The following CCSER1 variants were observed in gnomAD, a reference collection of about 807,000 sequenced individuals.
The protein encoded by CCSER1 is serine-rich coiled-coil domain-containing protein 1.
CCSER1 carries 41 observed loss-of-function variants against 82.0 expected under a neutral mutation model. That is an observed-to-expected ratio of 0.50 (90% CI 0.39 to 0.65). The LOEUF is 0.65. CCSER1 is among the 30% of genes least tolerant of loss of function. The pLI, the probability that CCSER1 is intolerant of heterozygous loss-of-function variation, is 0.00. For synonymous variants in CCSER1, 414 were observed against 383.9 expected (o/e 1.08, Z -0.92); for missense variants, 1,119 against 1,064.2 (o/e 1.05, Z -0.72).
At chr4:91,342,099 A>G (rs1411211719) in intron 10 of CCSER1, among the ~76,000 whole-genome samples, 1 of 152,174 alleles carries the variant, frequency 6.6e-6, no homozygotes, top group African/African-American at 2.4e-5. Flanking sequence ...CTAAAAATCT[A>G]AAAAAATAGG....
chr4:91,489,192 T>A (rs1462211886), intron 10 of CCSER1, among the ~76,000 whole-genome samples: 1 of 152,090 alleles, frequency 6.6e-6, no homozygotes, highest in East Asian at 1.9e-4. Flanking sequence ...GGAACATGAC[T>A]AGAATTAAGT....
At chr4:91,167,056 T>C (rs553452975) in intron 10 of CCSER1, among the ~76,000 whole-genome samples, 1 of 152,144 alleles carries the variant, frequency 6.6e-6, no homozygotes, top group Non-Finnish European at 1.5e-5. Flanking sequence ...AAGACAAATA[T>C]CTATGAAATA....
intron 10 of CCSER1, among the ~76,000 whole-genome samples, chr4:91,098,286 T>C (rs1724708357): frequency 6.6e-6 from 1 of 152,216 alleles, no homozygotes; most frequent in African/African-American, 2.4e-5. Flanking sequence ...CTACTTGAAA[T>C]TGAAAATCAT....
intron 5 of CCSER1, among the ~76,000 whole-genome samples, chr4:90,500,101 C>T (rs551421656): frequency 6.6e-6 from 1 of 151,790 alleles, no homozygotes; most frequent in Non-Finnish European, 1.5e-5. Context: ...CAATAAAGAC[C>T]CTGGCGTTTG....
Position 91,059,708 on chromosome 4 carries a change from C to T in CCSER1, c.2173-26242C>T, listed in dbSNP as rs143872193. Among the ~76,000 whole-genome samples the T allele has an allele frequency of 9.5e-3, 1,437 of 151,986 alleles. 6 individuals carry two copies. The highest frequency in any genetic ancestry group is 0.015 in the Non-Finnish European group (1,002 of 67,884). ...TCAGTCATATTTCCATTTTTTGTGA[C>T]CATGTGACCACTTCCTAGTTTTTAG... On this transcript the variant is annotated intron_variant, in intron 9 of 10. Transcript: ENST00000509176.
chr4:90,180,373 G>T (rs1443026975), intron 1 of CCSER1, among the ~76,000 whole-genome samples: 1 of 152,004 alleles, frequency 6.6e-6, no homozygotes, highest in Non-Finnish European at 1.5e-5. Context: ...TGGAGTGCTA[G>T]AGGTCAGGAG....
chr4:91,599,174 T>C lies in CCSER1; in HGVS notation c.*117T>C, dbSNP rs1354137232. 2.6e-5 allele frequency: 33 copies of C among 1,288,070 alleles called. No individual in the cohort carries two copies. Among genetic ancestry groups the C allele is most frequent in the East Asian group, 2.6e-5 (1 of 38,856 alleles). The allele number at this position is 1,288,070 out of a possible 1,614,324, so 79.8% of individuals were successfully genotyped here. ...TACATTTTAGTTATAAACAGAGTTGTGTTGTTGGGTTTTTTTTCTTAGTCA... is the reference window on the plus strand; with the variant it reads ...TACATTTTAGTTATAAACAGAGTTGCGTTGTTGGGTTTTTTTTCTTAGTCA... On this transcript the variant is annotated 3_prime_UTR_variant, in exon 11 of 11. Coordinates refer to ENST00000509176, the MANE Select transcript of CCSER1 (RefSeq NM_001145065.2).
intron 10 of CCSER1, among the ~76,000 whole-genome samples, chr4:91,171,014 A>T (rs906779816): frequency 6.6e-6 from 1 of 152,202 alleles, no homozygotes; most frequent in Admixed American, 6.5e-5. Context: ...GAGTACTGCT[A>T]TATAAACATG....
rs536527739 is a variant in CCSER1, at chr4:91,419,473, C to T, written c.2218-179099C>T. On this transcript the variant is annotated intron_variant, in intron 10 of 10. Transcript: ENST00000509176. ...ACAATTTCAGTTACAGTAGCATCGA[C>T]GATAACAAAATATTAGGAATAATTT... Among the ~76,000 whole-genome samples the T allele has an allele frequency of 9.3e-4, 141 of 151,892 alleles. 1 individual carries two copies. The highest frequency in any genetic ancestry group is 3.1e-3 in the African/African-American group (128 of 41,442).
intron 10 of CCSER1, among the ~76,000 whole-genome samples, chr4:91,529,960 C>T (rs1474333957): frequency 6.6e-6 from 1 of 152,058 alleles, no homozygotes; most frequent in Non-Finnish European, 1.5e-5. Flanking sequence ...AGGAGTATTT[C>T]TTCTCATTAT....
At chr4:90,249,647 T>C (rs1411551280) in intron 1 of CCSER1, among the ~76,000 whole-genome samples, 1 of 152,106 alleles carries the variant, frequency 6.6e-6, no homozygotes, top group Non-Finnish European at 1.5e-5. Context: ...TCAAGGTGCA[T>C]CCATGTTGTA....
At chr4:91,082,252 A>G (rs1053788087) in intron 9 of CCSER1, among the ~76,000 whole-genome samples, 5 of 152,204 alleles carry the variant, frequency 3.3e-5, no homozygotes, top group African/African-American at 1.2e-4. Context: ...GCCCTCGGAA[A>G]TAATACCACA....
At chr4:90,238,716 A>G (rs1285332879) in intron 1 of CCSER1, among the ~76,000 whole-genome samples, 1 of 152,098 alleles carries the variant, frequency 6.6e-6, no homozygotes. Flanking sequence ...AGTTTGAACA[A>G]TATGATCTCT....
chr4:91,069,178 A>C (rs185687462), intron 9 of CCSER1, among the ~76,000 whole-genome samples: 1 of 151,732 alleles, frequency 6.6e-6, no homozygotes, highest in African/African-American at 2.4e-5. Flanking sequence ...AAATAAATAA[A>C]AAATAAAAAT....
chr4:91,081,619 A>ATCCC (rs1722760028), intron 9 of CCSER1, among the ~76,000 whole-genome samples: 1 of 151,656 alleles, frequency 6.6e-6, no homozygotes, highest in Non-Finnish European at 1.5e-5. Flanking sequence ...GAGGAAGTCA[A>ATCCC]ATTGTCCCTG....
intron 10 of CCSER1, among the ~76,000 whole-genome samples, chr4:91,226,703 T>C (rs1738231658): frequency 6.6e-6 from 1 of 151,936 alleles, no homozygotes; most frequent in Non-Finnish European, 1.5e-5. Context: ...TAAAATTCTA[T>C]GCATTTGTCT....
chr4:91,479,805 A>G (rs1489244045), intron 10 of CCSER1, among the ~76,000 whole-genome samples: 1 of 143,838 alleles, frequency 7.0e-6, no homozygotes, highest in Non-Finnish European at 1.5e-5. Flanking sequence ...GGTTAGTTAC[A>G]TATGTATACA....
intron 10 of CCSER1, among the ~76,000 whole-genome samples, chr4:91,538,384 A>G (rs1414536288): frequency 9.2e-5 from 14 of 151,984 alleles, no homozygotes; most frequent in Admixed American, 4.6e-4. Context: ...GGCACCAGTT[A>G]TGAATAAGTT....
At chr4:91,087,392 AT>A (rs1423443020) in intron 10 of CCSER1, among the ~76,000 whole-genome samples, 1 of 152,066 alleles carries the variant, frequency 6.6e-6, no homozygotes, top group Admixed American at 6.6e-5. Flanking sequence ...TTTTAATGTT[AT>A]TTTTAAATGC....
Sources: gnomAD v4.1 joint callset for allele counts (sites outside exome capture counted in the v4.1 genomes callset) on GRCh38, gnomAD v4.1.1 for gene constraint, MANE v1.5 for transcripts, NCBI Gene and HGNC (gene_info 2026-07-23, HGNC 2026-07-21) for gene names.